The following SAMD3 variants were observed in gnomAD, a reference collection of about 807,000 sequenced individuals.
The protein encoded by SAMD3 is sterile alpha motif domain containing 3, also known as sterile alpha motif domain-containing protein 3.
SAMD3 carries 63 observed loss-of-function variants against 58.5 expected under a neutral mutation model. The observed-to-expected ratio is 1.08, with a 90% confidence interval of 0.88 to 1.33. SAMD3 has a LOEUF of 1.33. SAMD3 is among the 40% of genes most tolerant of loss of function. SAMD3 has a pLI of 0.00. For missense variants in SAMD3, 604 were observed against 608.4 expected, an observed-to-expected ratio of 0.99 and a Z score of 0.08; for synonymous variants, 220 against 210.3, an observed-to-expected ratio of 1.05 and a Z score of -0.40.
At chr6:130,287,264 A>G (rs971216065) in intron 2 of SAMD3, among the ~76,000 whole-genome samples, 6 of 152,206 alleles carry the variant, frequency 3.9e-5, no homozygotes, top group African/African-American at 1.4e-4. Flanking sequence ...TAACAATCAC[A>G]TAACATTTTA....
chr6:130,299,535 T>C (rs62433895), intron 2 of SAMD3, among the ~76,000 whole-genome samples: 25,637 of 151,914 alleles, frequency 0.17, 2,420 homozygotes, highest in East Asian at 0.36. Context: ...AACAACCTAA[T>C]GTTGCACCTA....
intron 2 of SAMD3, among the ~76,000 whole-genome samples, chr6:130,297,048 A>G (rs761724802): frequency 2.0e-5 from 3 of 152,206 alleles, no homozygotes; most frequent in African/African-American, 4.8e-5. Flanking sequence ...CAGCTTTTAC[A>G]CTTAAGCACC....
rs397886882 is a variant in SAMD3 at position 130,279,487 on chromosome 6, C to CTT, written c.-188+33489_-188+33490dup. Among the ~76,000 whole-genome samples the CTT allele has an allele frequency of 9.1e-3, 1,123 of 123,340 alleles. 42 individuals carry two copies. Among genetic ancestry groups the CTT allele is most frequent in the African/African-American group, 0.036 (1,055 of 29,704 alleles). 80.9% of individuals were successfully genotyped at this position (123,340 alleles called of 152,430 possible). ...ATATGGAACTGTGAATCAATTAAAC[C>CTT]TTTTTTTTTTTTTTTTTTTGAGATG... On this transcript the variant is annotated intron_variant, in intron 2 of 13. Transcript: ENST00000368134.
intron 4 of SAMD3, among the ~76,000 whole-genome samples, chr6:130,212,485 C>G (rs534718634): frequency 6.6e-6 from 1 of 152,294 alleles, no homozygotes; most frequent in Non-Finnish European, 1.5e-5. Flanking sequence ...TAACACAGGA[C>G]TATTTCAGTC....
chr6:130,296,505 C>T (rs1230309565), intron 2 of SAMD3, among the ~76,000 whole-genome samples: 1 of 152,224 alleles, frequency 6.6e-6, no homozygotes, highest in African/African-American at 2.4e-5. Flanking sequence ...GGAATATCAT[C>T]TCCTGCCTTC....
chr6:130,286,276 G>A (rs1312866376), intron 2 of SAMD3: 2 of 152,324 alleles, frequency 1.3e-5, no homozygotes, highest in Non-Finnish European at 2.9e-5. Context: ...GGGAGGAAAA[G>A]TGAGCATCAA....
intron 2 of SAMD3, among the ~76,000 whole-genome samples, chr6:130,262,954 G>C (rs1005816718): frequency 6.6e-6 from 1 of 151,992 alleles, no homozygotes; most frequent in Non-Finnish European, 1.5e-5. Flanking sequence ...CTGCTCTTTA[G>C]CAAAAATTAT....
intron 1 of SAMD3, among the ~76,000 whole-genome samples, chr6:130,218,947 T>C (rs1796112712): frequency 6.6e-6 from 1 of 152,162 alleles, no homozygotes; most frequent in Admixed American, 6.5e-5. Flanking sequence ...AGTTTATAGA[T>C]ATGCTTAAGC....
intron 5 of SAMD3, among the ~76,000 whole-genome samples, chr6:130,188,458 A>C (rs890693438): frequency 1.3e-5 from 2 of 152,216 alleles, no homozygotes; most frequent in Non-Finnish European, 2.9e-5. Flanking sequence ...AGAAGTAGCT[A>C]CCTAAGCAGG....
chr6:130,183,402 T>C (rs1474646651), intron 7 of SAMD3: 2 of 453,942 alleles, frequency 4.4e-6, no homozygotes, highest in Admixed American at 2.4e-5. Flanking sequence ...GGTCTGTTTT[T>C]ATCAGGACAG....
At chr6:130,307,206 G>A (rs1775938103) in intron 2 of SAMD3, among the ~76,000 whole-genome samples, 1 of 152,226 alleles carries the variant, frequency 6.6e-6, no homozygotes, top group African/African-American at 2.4e-5. Flanking sequence ...TTATACATGG[G>A]GTGAATGCAG....
chr6:130,153,706 C>T (rs1582728568), intron 9 of SAMD3, among the ~76,000 whole-genome samples: 1 of 132,410 alleles, frequency 7.6e-6, no homozygotes, highest in Admixed American at 8.2e-5. Context: ...GACAGGGTCT[C>T]ACTGTGTCAC....
intron 2 of SAMD3, among the ~76,000 whole-genome samples, chr6:130,294,863 T>C (rs1485525941): frequency 6.6e-6 from 1 of 151,134 alleles, no homozygotes; most frequent in African/African-American, 2.4e-5. Flanking sequence ...TTTCCTATAA[T>C]ATTTTTGAAT....
At chr6:130,168,899 C>G (rs1790965117) in intron 8 of SAMD3, among the ~76,000 whole-genome samples, 1 of 152,136 alleles carries the variant, frequency 6.6e-6, no homozygotes, top group African/African-American at 2.4e-5. Flanking sequence ...ACCTCCCTGG[C>G]TCAAGCGGTT....
chr6:130,356,714 C>CT (rs565459430), intron 1 of SAMD3, among the ~76,000 whole-genome samples: 117 of 152,236 alleles, frequency 7.7e-4, no homozygotes, highest in African/African-American at 2.7e-3. Context: ...GCTAGTTTTC[C>CT]TTTTTTCTCT....
chr6:130,153,772 T>G (rs936930239), intron 9 of SAMD3, among the ~76,000 whole-genome samples: 1 of 151,392 alleles, frequency 6.6e-6, no homozygotes, highest in African/African-American at 2.4e-5. Context: ...CCTCCCCAGG[T>G]TTAGGTGATC....
chr6:130,180,833 T>C (rs1190091185), intron 7 of SAMD3, among the ~76,000 whole-genome samples: 1 of 152,138 alleles, frequency 6.6e-6, no homozygotes, highest in African/African-American at 2.4e-5. Flanking sequence ...GCCCCAAAGG[T>C]AAACAGTCAA....
At chr6:130,299,760 T>A (rs1775683977) in intron 2 of SAMD3, among the ~76,000 whole-genome samples, 1 of 152,082 alleles carries the variant, frequency 6.6e-6, no homozygotes, top group African/African-American at 2.4e-5. Context: ...CATTCAGAAG[T>A]GACAGAGGTA....
rs115686993 is a variant in SAMD3, at chr6:130,246,480, C to T, written c.-187-23667G>A. ...AGAAAAACTGATTATAAGCTGTTTT[C>T]GGTAATCATGCCTTGGCACTTGTAT... is the stretch of plus-strand genomic sequence containing the variant. On this transcript the variant is annotated intron_variant, in intron 2 of 13. Transcript: ENST00000368134. Among the ~76,000 whole-genome samples the T allele has an allele frequency of 2.4e-3, 366 of 150,340 alleles. 3 individuals are homozygous for T. Among genetic ancestry groups the T allele is most frequent in the African/African-American group, 1.6e-3 (66 of 40,762 alleles).
Sources: gnomAD v4.1 joint callset for allele counts (sites outside exome capture counted in the v4.1 genomes callset) on GRCh38, gnomAD v4.1.1 for gene constraint, MANE v1.5 for transcripts, NCBI Gene and HGNC (gene_info 2026-07-23, HGNC 2026-07-21) for gene names.